The following PLCH1 variants were observed in gnomAD, a reference collection of about 807,000 sequenced individuals.
PLCH1 encodes 1-phosphatidylinositol 4,5-bisphosphate phosphodiesterase eta-1.
A neutral mutation model predicts 126.7 loss-of-function variants in PLCH1; 60 were observed. The ratio of observed to expected loss-of-function variants is 0.47; its 90% CI spans 0.38 to 0.59. PLCH1 has a LOEUF of 0.59. PLCH1 is among the 20% of genes least tolerant of loss of function. The pLI is 0.00. For synonymous variants in PLCH1, 719 were observed against 734.9 expected, an observed-to-expected ratio of 0.98 and a Z score of 0.35; for missense variants, 1,723 against 2,040.0, an observed-to-expected ratio of 0.84 and a Z score of 2.99.
chr3:155,521,058 G>A (rs567982066), intron 11 of PLCH1, among the ~76,000 whole-genome samples: 7 of 152,194 alleles, frequency 4.6e-5, no homozygotes, highest in African/African-American at 1.7e-4. Context: ...GTATCAGCAT[G>A]GCTAACTCTT....
At chr3:155,665,642 G>A (rs1394514940) in intron 2 of PLCH1, among the ~76,000 whole-genome samples, 1 of 152,156 alleles carries the variant, frequency 6.6e-6, no homozygotes, top group East Asian at 1.9e-4. Context: ...CTGGAGGCAG[G>A]GAGACCACCC....
intron 2 of PLCH1, chr3:155,676,279 G>C: frequency 8.5e-7 from 1 of 1,178,190 alleles, no homozygotes; most frequent in South Asian, 4.0e-5. Flanking sequence ...TTGTCCCAAA[G>C]TGAAAAGCAC....
At chr3:155,686,762 C>G (rs1744982574) in intron 2 of PLCH1, among the ~76,000 whole-genome samples, 1 of 152,188 alleles carries the variant, frequency 6.6e-6, no homozygotes, top group Non-Finnish European at 1.5e-5. Context: ...AGCTCTCATT[C>G]TAGAAGGGGT....
chr3:155,625,663 G>C (rs999947460), intron 2 of PLCH1, among the ~76,000 whole-genome samples: 2 of 152,090 alleles, frequency 1.3e-5, no homozygotes, highest in Non-Finnish European at 2.9e-5. Context: ...TGCAAATCAA[G>C]ACCACAATGG....
intron 18 of PLCH1, among the ~76,000 whole-genome samples, chr3:155,492,412 C>A (rs1716355482): frequency 6.6e-6 from 1 of 152,104 alleles, no homozygotes; most frequent in African/African-American, 2.4e-5. Context: ...GGAACATTGC[C>A]TTTCTAGGTT....
chr3:155,494,626 G>T, intron 15 of PLCH1, 109 bp from the exon 16 acceptor site: 3 of 837,096 alleles, frequency 3.6e-6, no homozygotes, highest in Non-Finnish European at 3.8e-6. Flanking sequence ...AAAAAGCAGA[G>T]CACTAGAGAG....
intron 2 of PLCH1, among the ~76,000 whole-genome samples, chr3:155,598,296 G>A (rs1733248684): frequency 6.6e-6 from 1 of 152,156 alleles, no homozygotes; most frequent in Admixed American, 6.5e-5. Context: ...GGCCACCACT[G>A]AGCATCACTC....
At chr3:155,488,876 C>T (rs1715732410) in intron 19 of PLCH1, 70 bp from the exon 20 acceptor site, 3 of 1,368,092 alleles carry the variant, frequency 2.2e-6, no homozygotes, top group Non-Finnish European at 3.0e-6. Context: ...GCAGCAACAT[C>T]TGCAAAGCAG....
intron 2 of PLCH1, among the ~76,000 whole-genome samples, chr3:155,647,344 A>G (rs1396170641): frequency 6.6e-6 from 1 of 151,960 alleles, no homozygotes; most frequent in East Asian, 1.9e-4. Flanking sequence ...CCCAGGATGA[A>G]AGACGCTTGA....
Position 155,494,507 on chromosome 3 carries a change from TC to T in PLCH1, c.1904del (p.Gly635GlufsTer23). ...AQDIVDDGTT[G>X]NVLSFSETRA... ...TTGTTTCACTGAATGATAACACATT[TC>T]CTGTGGTTCCTGGCAGTTTTTAATC... On this transcript the variant is annotated frameshift_variant, in exon 16 of 23. Transcript: ENST00000460012. LOFTEE classifies it high-confidence loss of function. The T allele has an allele frequency of 1.9e-6, 3 of 1,599,894 alleles. No individual in the cohort carries two copies. The highest frequency in any genetic ancestry group is 2.6e-6 in the Non-Finnish European group (3 of 1,175,994).
chr3:155,453,647 A>G (rs1712367811), intron 21 of PLCH1, among the ~76,000 whole-genome samples: 1 of 152,054 alleles, frequency 6.6e-6, no homozygotes, highest in Non-Finnish European at 1.5e-5. Flanking sequence ...GGGAGTATTA[A>G]GAAAAATGTA....
intron 11 of PLCH1, among the ~76,000 whole-genome samples, chr3:155,522,425 A>G (rs1721224851): frequency 6.6e-6 from 1 of 152,224 alleles, no homozygotes; most frequent in Non-Finnish European, 1.5e-5. Context: ...AACATAAACT[A>G]TTAAAAGGCA....
At chr3:155,602,060 C>T (rs141552448) in intron 2 of PLCH1, among the ~76,000 whole-genome samples, 2 of 152,254 alleles carry the variant, frequency 1.3e-5, no homozygotes, top group East Asian at 1.9e-4. Context: ...ATGCTAAACT[C>T]TTCCACTGGC....
chr3:155,533,927 G>C (rs746014223), intron 10 of PLCH1, among the ~76,000 whole-genome samples: 7 of 152,228 alleles, frequency 4.6e-5, no homozygotes, highest in Non-Finnish European at 1.0e-4. Flanking sequence ...CAAGAACTGA[G>C]GTTTGGGAAC....
intron 2 of PLCH1, among the ~76,000 whole-genome samples, chr3:155,608,736 T>C (rs1284324026): frequency 6.6e-6 from 1 of 152,162 alleles, no homozygotes; most frequent in Non-Finnish European, 1.5e-5. Flanking sequence ...CGCCTGATCC[T>C]GCCCCCATCG....
At chr3:155,693,547 C>T (rs1433781902) in intron 2 of PLCH1, among the ~76,000 whole-genome samples, 1 of 151,550 alleles carries the variant, frequency 6.6e-6, no homozygotes, top group Non-Finnish European at 1.5e-5. Flanking sequence ...TTTTTCCCAT[C>T]TTTACTCTTT....
At chr3:155,731,001 T>G (rs1466798256) in intron 1 of PLCH1, among the ~76,000 whole-genome samples, 1 of 152,202 alleles carries the variant, frequency 6.6e-6, no homozygotes, top group African/African-American at 2.4e-5. Flanking sequence ...CCTCCAGGCC[T>G]ACCCTGGCAC....
intron 6 of PLCH1, among the ~76,000 whole-genome samples, chr3:155,582,747 A>T (rs971921451): frequency 3.9e-5 from 6 of 152,172 alleles, no homozygotes; most frequent in African/African-American, 1.4e-4. Context: ...AAGAAGTCTA[A>T]TATAAAAGGT....
intron 1 of PLCH1, among the ~76,000 whole-genome samples, chr3:155,727,634 C>T (rs1406829738): frequency 6.6e-6 from 1 of 152,002 alleles, no homozygotes. Context: ...GTGATCCGCC[C>T]GTCTCGGCCT....
Sources: gnomAD v4.1 joint callset for allele counts (sites outside exome capture counted in the v4.1 genomes callset) on GRCh38, gnomAD v4.1.1 for gene constraint, MANE v1.5 for transcripts, NCBI Gene and HGNC (gene_info 2026-07-23, HGNC 2026-07-21) for gene names.